The following COLEC12 variants were observed in gnomAD, a reference collection of about 807,000 sequenced individuals.
COLEC12 encodes the protein collectin subfamily member 12, also known as collectin-12.
In COLEC12, 33 loss-of-function variants were observed where a neutral mutation model predicts 71.1. That is an observed-to-expected ratio of 0.46 (90% confidence interval 0.35 to 0.62). The LOEUF is 0.62. Among genes scored for constraint, COLEC12 ranks in the 20% least tolerant of loss-of-function variants. The pLI is 0.00. For missense variants in COLEC12, 765 were observed against 916.1 expected (o/e 0.84, Z 2.13); for synonymous variants, 350 against 353.0 (o/e 0.99, Z 0.10).
chr18:320,732 A>G (rs1317289320), intron 9 of COLEC12, among the ~76,000 whole-genome samples: 1 of 152,158 alleles, frequency 6.6e-6, no homozygotes, highest in Non-Finnish European at 1.5e-5. Context: ...GAAACCCCAT[A>G]CCCATTAGCA....
Position 375,107 on chromosome 18 carries a change from T to C in COLEC12, c.59-17585A>G, listed in dbSNP as rs958514768. ...CAGCTGCAGTGCACAAATAGAAGTGTCCTTCCTCACACCTAGTTTCATCTG... is the reference window on the plus strand; with the variant it reads ...CAGCTGCAGTGCACAAATAGAAGTGCCCTTCCTCACACCTAGTTTCATCTG... On this transcript the variant is annotated intron_variant, in intron 2 of 9. Transcript: ENST00000400256. 2.6e-5 allele frequency among the ~76,000 whole-genome samples: 4 copies of C among 152,320 alleles called. No individual in the cohort carries two copies. In the South Asian group the frequency reaches 6.2e-4, roughly 24 times the overall value.
intron 2 of COLEC12, among the ~76,000 whole-genome samples, chr18:402,859 C>T (rs1045998056): frequency 6.6e-6 from 1 of 152,108 alleles, no homozygotes; most frequent in Admixed American, 6.5e-5. Flanking sequence ...CAGGAAGAGT[C>T]AGTGTCCCTG....
At chr18:394,442 A>C (rs950533470) in intron 2 of COLEC12, among the ~76,000 whole-genome samples, 4 of 152,272 alleles carry the variant, frequency 2.6e-5, no homozygotes, top group Admixed American at 6.5e-5. Flanking sequence ...TTAAGAATCC[A>C]AAAATATCCA....
chr18:344,563 G>C (rs1457469922), intron 5 of COLEC12, among the ~76,000 whole-genome samples: 1 of 152,178 alleles, frequency 6.6e-6, no homozygotes, highest in Non-Finnish European at 1.5e-5. Flanking sequence ...TCTTCCAGAG[G>C]TGGTCTTGGC....
rs1409799586 is a variant in COLEC12 at position 346,026 on chromosome 18, T to G, written c.1327+269A>C. On this transcript the variant is annotated intron_variant, in intron 5 of 9. Transcript: ENST00000400256. This position sits in a 1 kb window ranked among gnomAD's most constrained non-coding sequence, Gnocchi z 4.0. Reference sequence around the variant, plus strand: ...CACACAGCAAGGAACTGAGGCCTCCTGCCAAGAGCTATGTGAACAGGCCAC... The same window carrying G: ...CACACAGCAAGGAACTGAGGCCTCCGGCCAAGAGCTATGTGAACAGGCCAC... 6.6e-6 allele frequency among the ~76,000 whole-genome samples: 1 copy of G among 152,178 alleles called. No homozygotes were observed. Among genetic ancestry groups the G allele is most frequent in the African/African-American group, 2.4e-5 (1 of 41,456 alleles).
At chr18:435,704 A>T (rs919409153) in intron 2 of COLEC12, among the ~76,000 whole-genome samples, 2 of 152,134 alleles carry the variant, frequency 1.3e-5, no homozygotes, top group Non-Finnish European at 2.9e-5. Context: ...AACTCTACCT[A>T]CTTTTAGAAA....
chr18:376,597 G>A (rs960198461), intron 2 of COLEC12, among the ~76,000 whole-genome samples: 1 of 152,204 alleles, frequency 6.6e-6, no homozygotes, highest in Non-Finnish European at 1.5e-5. Context: ...GTGAACTGCA[G>A]ATGTTTGTTC....
chr18:437,453 A>C (rs1162522552), intron 2 of COLEC12, among the ~76,000 whole-genome samples: 1 of 151,808 alleles, frequency 6.6e-6, no homozygotes, highest in East Asian at 1.9e-4. Flanking sequence ...TTTTTTTTTC[A>C]AGTCTGTTTC....
intron 2 of COLEC12, among the ~76,000 whole-genome samples, chr18:382,114 G>T (rs981948191): frequency 6.6e-6 from 1 of 152,150 alleles, no homozygotes; most frequent in Non-Finnish European, 1.5e-5. Flanking sequence ...ATTTTTACTA[G>T]CACATACCAG....
At chr18:415,564 G>A (rs532900401) in intron 2 of COLEC12, among the ~76,000 whole-genome samples, 2 of 152,184 alleles carry the variant, frequency 1.3e-5, no homozygotes, top group South Asian at 4.1e-4. Flanking sequence ...ACCTGTCATA[G>A]ACTAATATTT....
In COLEC12 at chr18:459,523, G is replaced by A. The variant is rs116316645; in HGVS notation, c.58+21184C>T. 8.6e-3 allele frequency among the ~76,000 whole-genome samples: 1,313 copies of A among 152,308 alleles called. 17 individuals are homozygous for A. The highest frequency in any genetic ancestry group is 0.03 in the African/African-American group (1,250 of 41,558). On this transcript the variant is annotated intron_variant, in intron 2 of 9. Transcript: ENST00000400256. ...TCATTGGGACGTATGTAAAACCCGAGTGGAGATATGAGGGGCATTTATGAC... is the reference window on the plus strand; with the variant it reads ...TCATTGGGACGTATGTAAAACCCGAATGGAGATATGAGGGGCATTTATGAC...
At chr18:495,711 G>A (rs138956669) in intron 1 of COLEC12, among the ~76,000 whole-genome samples, 25 of 152,324 alleles carry the variant, frequency 1.6e-4, no homozygotes, top group East Asian at 3.9e-4. Context: ...CTAGTGGAGC[G>A]TGACAGCACA....
chr18:493,784 T>C (rs1917661072), intron 1 of COLEC12, among the ~76,000 whole-genome samples: 3 of 152,254 alleles, frequency 2.0e-5, no homozygotes, highest in South Asian at 4.1e-4. Context: ...GGAAAACTAA[T>C]ACTACTGATG....
intron 3 of COLEC12, among the ~76,000 whole-genome samples, chr18:356,263 C>T (rs1439728974): frequency 6.6e-6 from 1 of 152,108 alleles, no homozygotes; most frequent in African/African-American, 2.4e-5. Context: ...ATTATTACTG[C>T]CATTTTGCAG....
At chr18:412,711 G>A (rs1048406247) in intron 2 of COLEC12, among the ~76,000 whole-genome samples, 1 of 152,164 alleles carries the variant, frequency 6.6e-6, no homozygotes, top group Non-Finnish European at 1.5e-5. Context: ...TAAAGTTTCC[G>A]TACTTCACTA....
chr18:398,164 A>G (rs1254984989), intron 2 of COLEC12, among the ~76,000 whole-genome samples: 1 of 152,238 alleles, frequency 6.6e-6, no homozygotes, highest in African/African-American at 2.4e-5. Flanking sequence ...CTGGAGAAGA[A>G]TATGTTGTGT....
chr18:331,831 G>T (rs992999476), intron 7 of COLEC12, 54 bp from the exon 8 acceptor site: 33 of 1,055,210 alleles, frequency 3.1e-5, no homozygotes, highest in East Asian at 1.4e-4. Context: ...AGATGTCTCA[G>T]GCCTTTTTCT....
At position 319,949 on chromosome 18, in the gene COLEC12, T is replaced by G; in HGVS notation, c.*96A>C. 1.3e-6 allele frequency: 1 copy of G among 796,582 alleles called. No individual in the cohort carries two copies. Among genetic ancestry groups the G allele is most frequent in the Non-Finnish European group, 2.1e-6 (1 of 476,254 alleles). The allele number at this position is 796,582 out of a possible 1,614,324, so 49.3% of individuals were successfully genotyped here. A position where few individuals can be genotyped will look rare whatever the true frequency, so the allele number is the denominator to read the frequency against. Reference sequence around the variant, plus strand: ...TCAGTAATTGGTTTTCAGTGCTTTTTTTTTTTCAATCTGATGAGAAGGTGA... The same window carrying G: ...TCAGTAATTGGTTTTCAGTGCTTTTGTTTTTTCAATCTGATGAGAAGGTGA... On this transcript the variant is annotated 3_prime_UTR_variant, in exon 10 of 10. Transcript: ENST00000400256.
At chr18:387,776 G>GTA (rs1192770246) in intron 2 of COLEC12, among the ~76,000 whole-genome samples, 1 of 152,160 alleles carries the variant, frequency 6.6e-6, no homozygotes, top group Non-Finnish European at 1.5e-5. Flanking sequence ...TGTAATCACT[G>GTA]TATAACCCAG....
Sources: gnomAD v4.1 joint callset for allele counts (sites outside exome capture counted in the v4.1 genomes callset) on GRCh38, gnomAD v4.1.1 for gene constraint, Gnocchi (gnomAD v3.1) non-coding constraint, MANE v1.5 for transcripts, NCBI Gene and HGNC (gene_info 2026-07-23, HGNC 2026-07-21) for gene names.